LINGO2: variants seen among roughly 807,000 people sequenced by gnomAD.
The protein encoded by LINGO2 is leucine-rich repeat and immunoglobulin-like domain-containing nogo receptor-interacting protein 2.
A neutral mutation model predicts 30.6 loss-of-function variants in LINGO2; 14 were observed. That is an observed-to-expected ratio of 0.46 (90% confidence interval 0.30 to 0.72). The LOEUF (loss-of-function observed/expected upper bound fraction) is 0.72, where lower values mean the gene tolerates loss of function less well. LINGO2 is among the 30% of genes least tolerant of loss of function. The probability of loss-of-function intolerance (pLI) is 0.07; values close to 1 mark genes in which losing one functional copy is unlikely to be tolerated. For synonymous variants in LINGO2, 317 were observed against 288.5 expected (o/e 1.10, Z -1.00); for missense variants, 729 against 751.7 (o/e 0.97, Z 0.35).
chr9:29,126,282 T>C, the LINGO2 span, among the ~76,000 whole-genome samples: 5 of 152,128 alleles, frequency 3.3e-5, no homozygotes, highest in African/African-American at 1.2e-4. Flanking sequence ...AAATTATGGC[T>C]CTGCCACTAA....
chr9:29,179,951 G>A, the LINGO2 span, among the ~76,000 whole-genome samples: 1 of 152,098 alleles, frequency 6.6e-6, no homozygotes, highest in African/African-American at 2.4e-5. Context: ...AATTCAATTA[G>A]CAGTTAAAAG....
intron 1 of LINGO2, among the ~76,000 whole-genome samples, chr9:28,641,227 A>T (rs1436679435): frequency 6.6e-6 from 1 of 152,048 alleles, no homozygotes; most frequent in Non-Finnish European, 1.5e-5. Flanking sequence ...TAGTAGAGAC[A>T]GGGTTTCACC....
At chr9:28,433,379 TG>T (rs2134963763) in intron 2 of LINGO2, among the ~76,000 whole-genome samples, 1 of 152,132 alleles carries the variant, frequency 6.6e-6, no homozygotes, top group Non-Finnish European at 1.5e-5. Context: ...TTTGCAAAGA[TG>T]CAACATATCA....
intron 4 of LINGO2, among the ~76,000 whole-genome samples, chr9:28,171,635 T>G (rs1481238910): frequency 1.3e-5 from 2 of 152,124 alleles, no homozygotes; most frequent in African/African-American, 4.8e-5. Flanking sequence ...AATGTATCTT[T>G]TTTTCACCAA....
At chr9:28,321,660 G>A (rs1048824121) in intron 3 of LINGO2, among the ~76,000 whole-genome samples, 3 of 152,186 alleles carry the variant, frequency 2.0e-5, no homozygotes, top group Admixed American at 1.3e-4. Context: ...CCAAGAAACA[G>A]AGACTATAGG....
chr9:28,351,760 T>C (rs905948268), intron 3 of LINGO2, among the ~76,000 whole-genome samples: 1 of 152,118 alleles, frequency 6.6e-6, no homozygotes, highest in African/African-American at 2.4e-5. Context: ...AATAAAATAC[T>C]GGCAAAACGA....
At chr9:28,898,654 G>A in the LINGO2 span, among the ~76,000 whole-genome samples, 2 of 152,034 alleles carry the variant, frequency 1.3e-5, no homozygotes, top group Admixed American at 1.3e-4. Context: ...AGGAATGGGA[G>A]TTGCTTTCTC....
chr9:28,083,057 C>A (rs1368037976), intron 4 of LINGO2, among the ~76,000 whole-genome samples: 1 of 152,168 alleles, frequency 6.6e-6, no homozygotes, highest in African/African-American at 2.4e-5. Flanking sequence ...TTGCCTGATT[C>A]TCTACTAAAT....
the LINGO2 span, among the ~76,000 whole-genome samples, chr9:28,713,817 A>C: frequency 6.6e-6 from 1 of 152,080 alleles, no homozygotes; most frequent in Non-Finnish European, 1.5e-5. Flanking sequence ...TCCTTGAATA[A>C]TTCTACTGTC....
At chr9:28,109,135 T>C (rs368441262) in intron 4 of LINGO2, among the ~76,000 whole-genome samples, 1 of 152,080 alleles carries the variant, frequency 6.6e-6, no homozygotes, top group Non-Finnish European at 1.5e-5. Context: ...TCAGAACCAA[T>C]GACAAAAACC....
chr9:28,513,186 AC>A (rs1323993232), intron 1 of LINGO2, among the ~76,000 whole-genome samples: 2 of 152,148 alleles, frequency 1.3e-5, no homozygotes, highest in Non-Finnish European at 2.9e-5. Context: ...AGGCAAAAAA[AC>A]AATTGGCAGA....
At chr9:28,754,017 A>AACACACACACACAC in the LINGO2 span, among the ~76,000 whole-genome samples, 3 of 146,024 alleles carry the variant, frequency 2.1e-5, no homozygotes, top group African/African-American at 7.6e-5. Flanking sequence ...CACACACACA[A>AACACACACACACAC]ACACACACAC....
intron 4 of LINGO2, among the ~76,000 whole-genome samples, chr9:28,049,887 G>C (rs905583135): frequency 6.6e-6 from 1 of 150,664 alleles, no homozygotes; most frequent in African/African-American, 2.5e-5. Flanking sequence ...TAAATCAAGA[G>C]AGCAACATGA....
At chr9:28,738,087 G>T in the LINGO2 span, among the ~76,000 whole-genome samples, 2 of 152,076 alleles carry the variant, frequency 1.3e-5, no homozygotes, top group Admixed American at 6.6e-5. Context: ...CATATTGTGA[G>T]ACAAACACCC....
chr9:28,702,960 A>C, the LINGO2 span, among the ~76,000 whole-genome samples: 2 of 151,788 alleles, frequency 1.3e-5, no homozygotes, highest in Non-Finnish European at 2.9e-5. Flanking sequence ...TTGATGTCTA[A>C]GGTATCTGTA....
At chr9:28,828,605 T>A in the LINGO2 span, among the ~76,000 whole-genome samples, 1 of 152,064 alleles carries the variant, frequency 6.6e-6, no homozygotes, top group African/African-American at 2.4e-5. Context: ...GCAACCTTTT[T>A]TTTTTTTCCT....
chr9:29,182,600 A>T, the LINGO2 span, among the ~76,000 whole-genome samples: 7 of 152,180 alleles, frequency 4.6e-5, no homozygotes, highest in Non-Finnish European at 8.8e-5. Context: ...CCAGCAAGTG[A>T]ATCAAAGGTG....
At chr9:28,448,668 T>C (rs1259696279) in intron 2 of LINGO2, among the ~76,000 whole-genome samples, 2 of 151,938 alleles carry the variant, frequency 1.3e-5, no homozygotes, top group Non-Finnish European at 2.9e-5. Flanking sequence ...AAAAGTGCTA[T>C]GGAAATTGAA....
chr9:28,792,342 C>T, the LINGO2 span, among the ~76,000 whole-genome samples: 14 of 151,788 alleles, frequency 9.2e-5, no homozygotes, highest in Non-Finnish European at 1.6e-4. Flanking sequence ...ATCCCCGAAT[C>T]GAAATAATTG....
Sources: allele counts gnomAD v4.1 joint callset (sites outside exome capture counted in the v4.1 genomes callset), GRCh38; gene constraint gnomAD v4.1.1; transcripts MANE v1.5; gene names NCBI Gene and HGNC (gene_info 2026-07-23, HGNC 2026-07-21).